Variants in SMAD6 observed in about 807,000 individuals in gnomAD.
The protein encoded by SMAD6 is SMAD family member 6.
Under a neutral mutation model 39.4 loss-of-function variants are expected in SMAD6, and 103 were observed. The observed-to-expected ratio is 2.62, with a 90% CI of 2.23 to 3.08. The LOEUF is 3.08. Ranked by LOEUF, SMAD6 falls within the 30% of genes most tolerant of loss-of-function variation. SMAD6 has a pLI of 0.00. For synonymous variants in SMAD6, 445 were observed against 353.3 expected, an observed-to-expected ratio of 1.26 and a Z score of -2.91; for missense variants, 1,104 against 742.9, an observed-to-expected ratio of 1.49 and a Z score of -5.65.
At chr15:66,740,116 G>A (rs976729901) in intron 3 of SMAD6, among the ~76,000 whole-genome samples, 1 of 152,202 alleles carries the variant, frequency 6.6e-6, no homozygotes, top group Non-Finnish European at 1.5e-5. Context: ...TGGTCTCCCA[G>A]GTGGGAGAAA....
chr15:66,710,786 T>TGGAAG (rs66960747), intron 1 of SMAD6, among the ~76,000 whole-genome samples: 1 of 151,568 alleles, frequency 6.6e-6, no homozygotes, highest in Non-Finnish European at 1.5e-5. Flanking sequence ...TTTAGGCAAA[T>TGGAAG]GAAACCCAAA....
At chr15:66,760,369 A>AG (rs1352415791) in intron 3 of SMAD6, among the ~76,000 whole-genome samples, 7 of 152,192 alleles carry the variant, frequency 4.6e-5, no homozygotes, top group Non-Finnish European at 1.0e-4. Flanking sequence ...CATGGGGGGA[A>AG]GACTCCCTGC....
chr15:66,772,553 A>G (rs945430852), intron 3 of SMAD6, among the ~76,000 whole-genome samples: 12 of 152,248 alleles, frequency 7.9e-5, no homozygotes, highest in Admixed American at 1.3e-4. Context: ...ATACACATGT[A>G]GATAAGGCTG....
chr15:66,730,054 G>C (rs545411582), intron 3 of SMAD6, among the ~76,000 whole-genome samples: 2 of 152,222 alleles, frequency 1.3e-5, no homozygotes, highest in African/African-American at 2.4e-5. Flanking sequence ...CCAGCCCTCC[G>C]TCAGACCCTC....
intron 1 of SMAD6, chr15:66,708,808 C>T: frequency 2.2e-6 from 1 of 454,126 alleles, no homozygotes. Flanking sequence ...GATGGTGTTT[C>T]TTTTTGCGAT....
intron 3 of SMAD6, among the ~76,000 whole-genome samples, chr15:66,770,270 G>A (rs1350740235): frequency 2.0e-5 from 3 of 152,186 alleles, no homozygotes; most frequent in Non-Finnish European, 4.4e-5. Flanking sequence ...GGACTTCAGG[G>A]TTGGGTTCAG....
Position 66,704,023 on chromosome 15 carries a change from C to A in SMAD6, c.765C>A (p.Asp255Glu). 6.6e-7 allele frequency: 1 copy of A among 1,506,042 alleles called. No homozygotes were observed. The highest frequency in any genetic ancestry group is 1.4e-5 in the African/African-American group (1 of 69,558). 93.3% of individuals were successfully genotyped at this position (1,506,042 alleles called of 1,614,324 possible). ...CGCHSFAAAADGPTVCCNPYH... is the reference protein window; with the variant it reads ...CGCHSFAAAAEGPTVCCNPYH... ...GCCACAGCTTCGCCGCCGCCGCCGACGGCCCTACCGTGTGCTGCAACCCCT... is the reference window on the plus strand; with the variant it reads ...GCCACAGCTTCGCCGCCGCCGCCGAAGGCCCTACCGTGTGCTGCAACCCCT... Residue 255 changes from aspartate (D) to glutamate (E), a missense_variant, in exon 1 of 4, where the codon GAC becomes GAA. Transcript: ENST00000288840.
In SMAD6 at chr15:66,780,978, C is replaced by A; in HGVS notation, c.953-19C>A. 6.5e-7 allele frequency: 1 copy of A among 1,542,484 alleles called. No homozygotes were observed. Among genetic ancestry groups the A allele is most frequent in the Non-Finnish European group, 8.7e-7 (1 of 1,147,566 alleles). ...TCCCCACCCAGAATAACGCGGCGGT[C>A]CCTGTGCTTGTCCCGCAGACGCCAG... is the stretch of plus-strand genomic sequence containing the variant. On this transcript the variant is annotated intron_variant, in intron 3 of 3. Transcript: ENST00000288840.
intron 3 of SMAD6, among the ~76,000 whole-genome samples, chr15:66,726,275 C>T (rs888606737): frequency 3.3e-5 from 5 of 152,120 alleles, no homozygotes; most frequent in African/African-American, 7.2e-5. Context: ...GTGTAGTAGG[C>T]GTTGGGGTTA....
chr15:66,754,829 CT>C (rs1894069409), intron 3 of SMAD6, among the ~76,000 whole-genome samples: 1 of 152,100 alleles, frequency 6.6e-6, no homozygotes, highest in Non-Finnish European at 1.5e-5. Flanking sequence ...CAGAATGAGG[CT>C]TTGTGGCTCC....
At chr15:66,717,168 G>A in intron 3 of SMAD6, 4 of 1,284,628 alleles carry the variant, frequency 3.1e-6, no homozygotes, top group Non-Finnish European at 4.1e-6. Context: ...GACATCGAGG[G>A]CCAGGACCAA....
At position 66,703,300 on chromosome 15, in the gene SMAD6, G is replaced by C. The variant is rs1246889300; in HGVS notation, c.42G>C (p.Trp14Cys). 1.3e-6 allele frequency: 2 copies of C among 1,492,070 alleles called. No individual in the cohort carries two copies. The highest frequency in any genetic ancestry group is 1.8e-6 in the Non-Finnish European group (2 of 1,120,370). The allele number at this position is 1,492,070 out of a possible 1,614,324, so 92.4% of individuals were successfully genotyped here. A position where few individuals can be genotyped will look rare whatever the true frequency, so the allele number is the denominator to read the frequency against. The change falls in exon 1 of 4, where the codon TGG (tryptophan) becomes TGC (cysteine). Residue 14 changes from tryptophan (W) to cysteine (C), a missense_variant. Physicochemically the swap from Trp to Cys is radical, Grantham distance 215. Coordinates refer to ENST00000288840, the MANE Select transcript of SMAD6 (RefSeq NM_005585.5). ...SKRSGLVRRL[W>C]RSRVVPDREE... is the part of the protein sequence containing the mutation. ...GCTCGGGGCTGGTGCGGCGACTTTGGCGAAGTCGTGTGGTCCCCGACCGGG... is the reference window on the plus strand; with the variant it reads ...GCTCGGGGCTGGTGCGGCGACTTTGCCGAAGTCGTGTGGTCCCCGACCGGG...
At chr15:66,725,061 A>G (rs773600466) in intron 3 of SMAD6, among the ~76,000 whole-genome samples, 2 of 152,204 alleles carry the variant, frequency 1.3e-5, no homozygotes, top group Non-Finnish European at 2.9e-5. Context: ...GGCGTCTGTA[A>G]CAATCGGGAA....
intron 3 of SMAD6, among the ~76,000 whole-genome samples, chr15:66,772,202 C>T (rs1894390734): frequency 6.6e-6 from 1 of 152,240 alleles, no homozygotes; most frequent in African/African-American, 2.4e-5. Flanking sequence ...AAAGAGTCCA[C>T]ATCTCTAAGC....
intron 3 of SMAD6, among the ~76,000 whole-genome samples, chr15:66,752,007 A>G (rs1201275585): frequency 6.6e-6 from 1 of 150,478 alleles, no homozygotes; most frequent in African/African-American, 2.4e-5. Flanking sequence ...AGTTGCTTAT[A>G]AACATAATAA....
intron 3 of SMAD6, among the ~76,000 whole-genome samples, chr15:66,741,843 A>C (rs1465465124): frequency 6.6e-6 from 1 of 152,154 alleles, no homozygotes; most frequent in East Asian, 1.9e-4. Context: ...GCAGCCCTAC[A>C]GGTGCATGTC....
chr15:66,741,822 G>A (rs750420960), intron 3 of SMAD6, among the ~76,000 whole-genome samples: 17 of 152,106 alleles, frequency 1.1e-4, no homozygotes, highest in Non-Finnish European at 2.4e-4. Context: ...AATTGCTGCC[G>A]GTCCCTCCGG....
At position 66,703,136 on chromosome 15, in the gene SMAD6, C is replaced by G. The variant is rs1459718575; in HGVS notation, c.-123C>G. ...GACGACAGGCTGTGCGCGGTCTGCA[C>G]GGCGCTCCGCGGCGGAGCTTCATGT... On this transcript the variant is annotated 5_prime_UTR_variant, in exon 1 of 4. Coordinates refer to ENST00000288840, the MANE Select transcript of SMAD6 (RefSeq NM_005585.5). 9 of 671,076 alleles carry G rather than the reference C, an allele frequency of 1.3e-5. No individual in the cohort carries two copies. The highest frequency in any genetic ancestry group is 8.7e-5 in the Admixed American group (2 of 23,040). 41.6% of individuals were successfully genotyped at this position (671,076 alleles called of 1,614,324 possible). A position where few individuals can be genotyped will look rare whatever the true frequency, so the allele number is the denominator to read the frequency against.
chr15:66,707,024 G>A (rs1203432055), intron 1 of SMAD6: 1 of 152,298 alleles, frequency 6.6e-6, no homozygotes, highest in African/African-American at 2.4e-5. Flanking sequence ...CCTCAGGAGG[G>A]GACCCACCTC....
Sources: allele counts gnomAD v4.1 joint callset (sites outside exome capture counted in the v4.1 genomes callset), GRCh38; gene constraint gnomAD v4.1.1; transcripts MANE v1.5; gene names NCBI Gene and HGNC (gene_info 2026-07-23, HGNC 2026-07-21).